The following PLEKHA7 variants were observed in gnomAD, a reference collection of about 807,000 sequenced individuals.
PLEKHA7 encodes the protein pleckstrin homology domain-containing family A member 7.
In PLEKHA7, 104 loss-of-function variants were observed where a neutral mutation model predicts 170.0. The observed-to-expected ratio is 0.61, with a 90% CI of 0.52 to 0.72. The LOEUF (loss-of-function observed/expected upper bound fraction) is 0.72. Ranked by LOEUF, PLEKHA7 falls within the 30% of genes least tolerant of loss-of-function variation. The pLI is 0.00. For synonymous variants in PLEKHA7, 648 were observed against 660.8 expected (o/e 0.98, Z 0.30); for missense variants, 1,615 against 1,671.7 (o/e 0.97, Z 0.59).
chr11:16,803,087 G>A (rs1259754325), intron 14 of PLEKHA7, 35 bp from the exon 15 acceptor site: 4 of 1,584,716 alleles, frequency 2.5e-6, no homozygotes, highest in Non-Finnish European at 3.5e-6. Context: ...GGCCTGGGGT[G>A]ATGAGAAAAG....
intron 3 of PLEKHA7, among the ~76,000 whole-genome samples, chr11:16,931,016 G>GA (rs759970289): frequency 6.6e-5 from 10 of 152,032 alleles, no homozygotes; most frequent in Non-Finnish European, 1.2e-4. Context: ...ATTAAGGTGG[G>GA]AAAAAAGCCT....
At chr11:16,983,908 T>G (rs1365789900) in intron 3 of PLEKHA7, among the ~76,000 whole-genome samples, 1 of 151,760 alleles carries the variant, frequency 6.6e-6, no homozygotes, top group Non-Finnish European at 1.5e-5. Context: ...CAAGACCCGG[T>G]CTCTACAAAA....
chr11:16,807,197 C>G, intron 13 of PLEKHA7: 1 of 985,466 alleles, frequency 1.0e-6, no homozygotes, highest in Non-Finnish European at 1.2e-6. Flanking sequence ...TTGTAAAGCA[C>G]GTTGATCAAA....
intron 3 of PLEKHA7, among the ~76,000 whole-genome samples, chr11:16,883,058 T>C (rs1855828379): frequency 6.6e-6 from 1 of 152,174 alleles, no homozygotes; most frequent in Non-Finnish European, 1.5e-5. Flanking sequence ...AACAAGCAAG[T>C]GGCAAGGTCA....
chr11:16,801,027 C>G lies in PLEKHA7; in HGVS notation c.2356G>C (p.Glu786Gln). The stretch of plus-strand genomic sequence containing the variant: ...TCCTGCAGGGTCTGCTTCAGCTGTT[C>G]CACATCATTCTCCAACTTCAGGTAT... ...NEYLKLENDV[E>Q]QLKQTLQEQH... Residue 786 changes from glutamate (E) to glutamine (Q), a missense_variant, in exon 17 of 27, where the codon GAA becomes CAA. Coordinates refer to ENST00000531066, the MANE Select transcript of PLEKHA7 (RefSeq NM_001329630.2). 1 of 1,614,260 alleles carries G rather than the reference C, an allele frequency of 6.2e-7. No homozygotes were observed. The highest frequency in any genetic ancestry group is 8.5e-7 in the Non-Finnish European group (1 of 1,180,044).
chr11:17,006,783 G>A (rs1202176390), intron 3 of PLEKHA7, among the ~76,000 whole-genome samples: 1 of 152,156 alleles, frequency 6.6e-6, no homozygotes, highest in African/African-American at 2.4e-5. Context: ...AAGACTGTCG[G>A]TTGGGTGAGG....
intron 3 of PLEKHA7, among the ~76,000 whole-genome samples, chr11:16,884,480 A>C (rs1855929373): frequency 6.6e-6 from 1 of 151,972 alleles, no homozygotes; most frequent in Admixed American, 6.6e-5. Flanking sequence ...TAAAAATACA[A>C]AAAAATTAGC....
intron 3 of PLEKHA7, among the ~76,000 whole-genome samples, chr11:16,884,668 G>C (rs557337703): frequency 1.3e-5 from 2 of 151,112 alleles, no homozygotes; most frequent in African/African-American, 4.9e-5. Context: ...AAAAGAAAAA[G>C]AAATTGAACT....
intron 3 of PLEKHA7, among the ~76,000 whole-genome samples, chr11:16,901,314 C>A (rs1242344279): frequency 1.3e-5 from 2 of 152,182 alleles, no homozygotes; most frequent in Non-Finnish European, 2.9e-5. Flanking sequence ...ACCAGCCAGA[C>A]AATAGGCTGA....
intron 9 of PLEKHA7, among the ~76,000 whole-genome samples, chr11:16,835,866 C>A (rs1434852279): frequency 1.3e-5 from 2 of 152,218 alleles, no homozygotes; most frequent in Non-Finnish European, 2.9e-5. Context: ...CTGATGCCCT[C>A]TTTACCATGT....
intron 17 of PLEKHA7, among the ~76,000 whole-genome samples, chr11:16,796,145 C>T (rs1848217793): frequency 6.6e-6 from 1 of 152,142 alleles, no homozygotes; most frequent in Non-Finnish European, 1.5e-5. Flanking sequence ...AGGCGTGAGC[C>T]ACTGCACCTG....
intron 13 of PLEKHA7, among the ~76,000 whole-genome samples, chr11:16,808,250 A>C (rs541159911): frequency 1.3e-5 from 2 of 152,354 alleles, no homozygotes; most frequent in East Asian, 1.9e-4. Flanking sequence ...ACAGTCTCTA[A>C]GGGGTAGGAC....
intron 10 of PLEKHA7, among the ~76,000 whole-genome samples, chr11:16,823,406 A>C (rs190591551): frequency 1.4e-3 from 215 of 152,294 alleles, no homozygotes; most frequent in Middle Eastern, 6.8e-3. Flanking sequence ...AATCATGCAG[A>C]CAGGATTAAG....
chr11:16,929,005 CTG>C (rs1338394505), intron 3 of PLEKHA7, among the ~76,000 whole-genome samples: 1 of 152,158 alleles, frequency 6.6e-6, no homozygotes, highest in South Asian at 2.1e-4. Flanking sequence ...TTGGAATTTT[CTG>C]TGTTTCTGAA....
At chr11:16,900,649 T>C (rs1324482771) in intron 3 of PLEKHA7, among the ~76,000 whole-genome samples, 1 of 152,088 alleles carries the variant, frequency 6.6e-6, no homozygotes, top group African/African-American at 2.4e-5. Flanking sequence ...GGGTGGTCCT[T>C]GAACAAACTC....
chr11:16,930,489 C>T (rs549123161), intron 3 of PLEKHA7, among the ~76,000 whole-genome samples: 3 of 152,290 alleles, frequency 2.0e-5, no homozygotes, highest in South Asian at 2.1e-4. Flanking sequence ...GGCAAAACCA[C>T]CAGGACAGGA....
chr11:16,806,372 A>G (rs568276676), intron 13 of PLEKHA7, among the ~76,000 whole-genome samples: 66 of 152,358 alleles, frequency 4.3e-4, no homozygotes, highest in African/African-American at 1.6e-3. Flanking sequence ...AGCCATGTTC[A>G]AATACACTTA....
chr11:16,944,483 G>A (rs1312647293), intron 3 of PLEKHA7, among the ~76,000 whole-genome samples: 1 of 148,762 alleles, frequency 6.7e-6, no homozygotes, highest in East Asian at 2.0e-4. Flanking sequence ...CTGCACTCCA[G>A]CCTGGGTAAC....
intron 3 of PLEKHA7, among the ~76,000 whole-genome samples, chr11:16,916,930 C>G (rs1858727240): frequency 6.6e-6 from 1 of 152,134 alleles, no homozygotes; most frequent in African/African-American, 2.4e-5. Context: ...TCAAAAGTGG[C>G]TTTTGAGGCC....
Sources: allele counts gnomAD v4.1 joint callset (sites outside exome capture counted in the v4.1 genomes callset), GRCh38; gene constraint gnomAD v4.1.1; transcripts MANE v1.5; gene names NCBI Gene and HGNC (gene_info 2026-07-23, HGNC 2026-07-21).